Variants in ZNF423 observed in about 807,000 individuals in gnomAD.
ZNF423 encodes the protein zinc finger protein 423, also known as Ebf-associated zinc finger protein.
ZNF423 carries 12 observed loss-of-function variants against 95.8 expected under a neutral mutation model. The observed-to-expected ratio is 0.13, with a 90% CI of 0.08 to 0.20. The LOEUF (loss-of-function observed/expected upper bound fraction) is 0.20. Among genes scored for constraint, ZNF423 ranks in the 10% least tolerant of loss-of-function variants. The probability of loss-of-function intolerance (pLI) is 1.00; values close to 1 mark genes in which losing one functional copy is unlikely to be tolerated. For synonymous variants in ZNF423, 749 were observed against 711.9 expected, an observed-to-expected ratio of 1.05 and a Z score of -0.83; for missense variants, 1,316 against 1,737.1, an observed-to-expected ratio of 0.76 and a Z score of 4.31.
chr16:49,746,193 G>A (rs2033520943), intron 2 of ZNF423, among the ~76,000 whole-genome samples: 1 of 152,072 alleles, frequency 6.6e-6, no homozygotes, highest in African/African-American at 2.4e-5. Flanking sequence ...TCCAGGCTCT[G>A]TTTCCCCACC....
chr16:49,575,014 T>C (rs1970453018), intron 5 of ZNF423, among the ~76,000 whole-genome samples: 1 of 152,148 alleles, frequency 6.6e-6, no homozygotes, highest in Admixed American at 6.5e-5. Flanking sequence ...GAGCCCCTCC[T>C]GCCACCACCA....
At chr16:49,731,661 A>C (rs2033171494) in intron 2 of ZNF423, among the ~76,000 whole-genome samples, 1 of 151,802 alleles carries the variant, frequency 6.6e-6, no homozygotes, top group South Asian at 2.1e-4. Flanking sequence ...AAAAAAAAAA[A>C]ATTTTTTTTT....
At chr16:49,686,349 G>A (rs972822708) in intron 3 of ZNF423, among the ~76,000 whole-genome samples, 2 of 152,124 alleles carry the variant, frequency 1.3e-5, no homozygotes, top group Non-Finnish European at 2.9e-5. Flanking sequence ...TGCAAGGCGG[G>A]TCTCACAGAG....
chr16:49,519,351 A>T (rs1968290082), intron 7 of ZNF423, among the ~76,000 whole-genome samples: 1 of 152,202 alleles, frequency 6.6e-6, no homozygotes, highest in African/African-American at 2.4e-5. Flanking sequence ...ACTTTATAAG[A>T]AACTGACAAA....
Position 49,630,934 on chromosome 16 carries a change from C to G in ZNF423, c.3517-4680G>C, listed in dbSNP as rs559583359. Among the ~76,000 whole-genome samples the G allele has an allele frequency of 3.9e-5, 6 of 152,226 alleles. No homozygotes were observed. In the East Asian group the frequency reaches 1.2e-3, roughly 29 times the overall value. On this transcript the variant is annotated intron_variant, in intron 4 of 7. Coordinates refer to ENST00000563137, the MANE Select transcript of ZNF423 (RefSeq NM_001379286.1). ...CTCACATACACACAAGACACACACA[C>G]AGATGTGCAAGCACACGTATGCATT...
intron 2 of ZNF423, among the ~76,000 whole-genome samples, chr16:49,753,559 C>T (rs542804409): frequency 2.0e-5 from 3 of 148,866 alleles, no homozygotes; most frequent in South Asian, 2.1e-4. Flanking sequence ...GCTGTGACTG[C>T]ACCACTGCAC....
At chr16:49,632,023 T>C (rs971388575) in intron 4 of ZNF423, among the ~76,000 whole-genome samples, 8 of 152,174 alleles carry the variant, frequency 5.3e-5, no homozygotes, top group Admixed American at 1.3e-4. Flanking sequence ...ATAGGCCCTC[T>C]AACCTTGATA....
chr16:49,671,774 T>A (rs913472819), intron 3 of ZNF423, among the ~76,000 whole-genome samples: 11 of 152,108 alleles, frequency 7.2e-5, no homozygotes, highest in African/African-American at 2.4e-4. Context: ...AACCTCCACC[T>A]CCTGGGCTCA....
At chr16:49,627,692 C>T (rs1972345689) in intron 4 of ZNF423, among the ~76,000 whole-genome samples, 1 of 150,894 alleles carries the variant, frequency 6.6e-6, no homozygotes, top group Non-Finnish European at 1.5e-5. Context: ...ATTCATCCAT[C>T]CTCCATCTAC....
intron 1 of ZNF423, among the ~76,000 whole-genome samples, chr16:49,849,231 A>T (rs1278391005): frequency 6.6e-6 from 1 of 152,160 alleles, no homozygotes; most frequent in East Asian, 1.9e-4. Context: ...CTACCCTTCT[A>T]CATGACGTCA....
chr16:49,719,061 T>C (rs975935002), intron 3 of ZNF423, among the ~76,000 whole-genome samples: 1 of 152,214 alleles, frequency 6.6e-6, no homozygotes, highest in Non-Finnish European at 1.5e-5. Context: ...CTCAAATTGG[T>C]AGTAACCGAG....
At chr16:49,617,295 A>G (rs545540557) in intron 5 of ZNF423, among the ~76,000 whole-genome samples, 1 of 152,316 alleles carries the variant, frequency 6.6e-6, no homozygotes, top group South Asian at 2.1e-4. Context: ...TGCTCAGGAC[A>G]GAGGGGACCA....
chr16:49,658,757 G>C (rs8059866), intron 3 of ZNF423, among the ~76,000 whole-genome samples: 26,663 of 152,308 alleles, frequency 0.18, 2,596 homozygotes, highest in Non-Finnish European at 0.22. Flanking sequence ...ACTGGATTCC[G>C]GAGTGTGGGG....
At chr16:49,858,773 G>C (rs995151190), upstream of ZNF423, among the ~76,000 whole-genome samples, 1 of 151,982 alleles carries the variant, frequency 6.6e-6, no homozygotes, top group African/African-American at 2.4e-5. This position sits in a 1 kb window ranked among gnomAD's most constrained non-coding sequence, Gnocchi z 4.3. Context: ...CTGAACCGGG[G>C]GTGCCAAGGG....
At chr16:49,673,724 TG>T (rs1339932966) in intron 3 of ZNF423, among the ~76,000 whole-genome samples, 1 of 152,162 alleles carries the variant, frequency 6.6e-6, no homozygotes, top group Non-Finnish European at 1.5e-5. Context: ...CTTCTGCCCA[TG>T]GGGGGCTACA....
In ZNF423 at chr16:49,845,159, A is replaced by C. The variant is rs1305644037; in HGVS notation, c.40+10576T>G. Among the ~76,000 whole-genome samples the C allele has an allele frequency of 4.7e-5, 7 of 150,250 alleles. No individual in the cohort carries two copies. The East Asian group carries it at 1.4e-3, about 30-fold the overall frequency. ...TTTTTGTTTGTTTGTTTTTGTTTTAAGATGGAGTCTTGCTCTGTCACCCAG... is the reference window on the plus strand; with the variant it reads ...TTTTTGTTTGTTTGTTTTTGTTTTACGATGGAGTCTTGCTCTGTCACCCAG... On this transcript the variant is annotated intron_variant, in intron 1 of 7. Coordinates refer to ENST00000563137, the MANE Select transcript of ZNF423 (RefSeq NM_001379286.1).
intron 3 of ZNF423, among the ~76,000 whole-genome samples, chr16:49,670,798 C>T (rs143492744): frequency 2.6e-5 from 4 of 152,336 alleles, no homozygotes; most frequent in Admixed American, 1.3e-4. Flanking sequence ...ACAACCCAAT[C>T]GCAAAGATAA....
Position 49,637,847 on chromosome 16 carries a change from G to C in ZNF423, c.1329C>G (p.Asp443Glu), listed in dbSNP as rs753736587. ...LEIHLKTIHA[D>E]KPQQSHTCQI... is the part of the protein sequence containing the mutation. ...GACATGTGTGGCTCTGCTGGGGCTT[G>C]TCCGCGTGGATGGTCTTCAGGTGGA... Residue 443 changes from aspartate (D) to glutamate (E), a missense_variant, in exon 4 of 8, where the codon GAC (aspartate) becomes GAG (glutamate). Coordinates refer to ENST00000563137, the MANE Select transcript of ZNF423 (RefSeq NM_001379286.1). The surrounding 1 kb of genome is among the most constrained non-coding windows in gnomAD (Gnocchi z 5.6). 2 of 1,614,192 alleles carry C rather than the reference G, an allele frequency of 1.2e-6. No homozygotes were observed. The highest frequency in any genetic ancestry group is 8.5e-7 in the Non-Finnish European group (1 of 1,180,038).
intron 5 of ZNF423, among the ~76,000 whole-genome samples, chr16:49,623,927 G>T (rs908966802): frequency 6.6e-6 from 1 of 152,200 alleles, no homozygotes; most frequent in East Asian, 1.9e-4. Flanking sequence ...CTTCACTAAA[G>T]AAGGGCCTTT....
Sources: gnomAD v4.1 joint callset for allele counts (sites outside exome capture counted in the v4.1 genomes callset) on GRCh38, gnomAD v4.1.1 for gene constraint, Gnocchi (gnomAD v3.1) non-coding constraint, MANE v1.5 for transcripts, NCBI Gene and HGNC (gene_info 2026-07-23, HGNC 2026-07-21) for gene names.